ZNRF3: variants seen among roughly 807,000 people sequenced by gnomAD.
ZNRF3 encodes zinc and ring finger 3, also known as E3 ubiquitin-protein ligase ZNRF3.
ZNRF3 carries 23 observed loss-of-function variants against 72.5 expected under a neutral mutation model. The ratio of observed to expected loss-of-function variants is 0.32; its 90% CI spans 0.23 to 0.45. The LOEUF (loss-of-function observed/expected upper bound fraction) is 0.45, where lower values mean the gene tolerates loss of function less well. Ranked by LOEUF, ZNRF3 falls within the 20% of genes least tolerant of loss-of-function variation. ZNRF3 has a pLI of 1.00. For synonymous variants in ZNRF3, 610 were observed against 545.3 expected (o/e 1.12, Z -1.65); for missense variants, 1,169 against 1,272.1 (o/e 0.92, Z 1.23).
chr22:29,047,008 T>C (rs2037086052), intron 6 of ZNRF3, 125 bp downstream of exon 6: 1 of 958,372 alleles, frequency 1.0e-6, no homozygotes, highest in Non-Finnish European at 1.4e-6. Flanking sequence ...GTCACTCTTC[T>C]GAAAATTCTG....
rs56876101 is a variant in ZNRF3 at position 28,918,537 on chromosome 22, CGTGTGTGTGTGTGTGT to C, written c.300+34500_300+34515del. On this transcript the variant is annotated intron_variant, in intron 1 of 8. Coordinates refer to ENST00000544604, the MANE Select transcript of ZNRF3 (RefSeq NM_001206998.2). The stretch of plus-strand genomic sequence containing the variant: ...GTGTGTATGTGTATCTGCATGTGTG[CGTGTGTGTGTGTGTGT>C]GTGTGTGTGTGTGTGTGTGTGTGTG... Among the ~76,000 whole-genome samples the C allele has an allele frequency of 4.5e-3, 667 of 148,828 alleles. 4 individuals are homozygous for C. The highest frequency in any genetic ancestry group is 8.6e-3 in the African/African-American group (346 of 40,176).
intron 8 of ZNRF3, 51 bp from the exon 9 acceptor site, chr22:29,053,528 C>G: frequency 8.8e-6 from 14 of 1,597,044 alleles, no homozygotes; most frequent in Non-Finnish European, 1.2e-5. Context: ...TGCCTGGTCC[C>G]ATGTGTGGTG....
chr22:28,901,733 T>C (rs1364430143), intron 1 of ZNRF3, among the ~76,000 whole-genome samples: 1 of 146,370 alleles, frequency 6.8e-6, no homozygotes, highest in Non-Finnish European at 1.5e-5. Flanking sequence ...CTCTGCCTCC[T>C]GGGTTCAAGC....
Position 29,049,148 on chromosome 22 carries a change from C to G in ZNRF3, c.1016-49C>G. 2.0e-6 allele frequency: 3 copies of G among 1,517,614 alleles called. No individual in the cohort carries two copies. The highest frequency in any genetic ancestry group is 2.7e-6 in the Non-Finnish European group (3 of 1,127,520). The allele number at this position is 1,517,614 out of a possible 1,614,324, so 94.0% of individuals were successfully genotyped here. On this transcript the variant is annotated intron_variant, in intron 7 of 8. Coordinates refer to ENST00000544604, the MANE Select transcript of ZNRF3 (RefSeq NM_001206998.2). This position sits in a 1 kb window ranked among gnomAD's most constrained non-coding sequence, Gnocchi z 5.2. Reference sequence around the variant, plus strand: ...TTTTAAAAATCCCTTTAGCCTCTGACACCAGTATGCTCAGCCCTGCCTACT... The same window carrying G: ...TTTTAAAAATCCCTTTAGCCTCTGAGACCAGTATGCTCAGCCCTGCCTACT...
intron 1 of ZNRF3, 85 bp from the exon 2 acceptor site, chr22:28,986,991 G>A: frequency 6.7e-7 from 1 of 1,501,030 alleles, no homozygotes; most frequent in Non-Finnish European, 8.9e-7. Flanking sequence ...GTTACTTTTG[G>A]CTATAGCATC....
intron 1 of ZNRF3, among the ~76,000 whole-genome samples, chr22:28,926,957 A>C (rs1025299643): frequency 6.6e-5 from 10 of 151,736 alleles, no homozygotes; most frequent in African/African-American, 2.4e-4. Context: ...CCCTGTCTCT[A>C]CTAAAAATAC....
At chr22:29,007,279 T>G (rs766817294) in intron 2 of ZNRF3, among the ~76,000 whole-genome samples, 29 of 152,286 alleles carry the variant, frequency 1.9e-4, no homozygotes, top group Non-Finnish European at 2.2e-4. Context: ...TAAATTTAGG[T>G]AACTGGTTTC....
intron 1 of ZNRF3, among the ~76,000 whole-genome samples, chr22:28,949,248 G>A (rs2035110315): frequency 6.6e-6 from 1 of 151,710 alleles, no homozygotes; most frequent in Non-Finnish European, 1.5e-5. Flanking sequence ...AAAGTGCTGG[G>A]ATTACAGGTG....
chr22:29,018,955 G>A (rs888109140), intron 2 of ZNRF3, among the ~76,000 whole-genome samples: 8 of 150,568 alleles, frequency 5.3e-5, no homozygotes, highest in African/African-American at 1.7e-4. Context: ...TGATCTCTGT[G>A]GTCAGCTAGT....
chr22:28,966,782 C>T (rs1427049892), intron 1 of ZNRF3, among the ~76,000 whole-genome samples: 1 of 149,828 alleles, frequency 6.7e-6, no homozygotes, highest in Non-Finnish European at 1.5e-5. Context: ...TTACAGTAAG[C>T]TAAGGTTAAT....
At chr22:28,913,919 C>A (rs929831139) in intron 1 of ZNRF3, among the ~76,000 whole-genome samples, 1 of 152,116 alleles carries the variant, frequency 6.6e-6, no homozygotes, top group East Asian at 1.9e-4. Flanking sequence ...GAGGAGTCCC[C>A]CCGACCCCTG....
intron 1 of ZNRF3, among the ~76,000 whole-genome samples, chr22:28,971,077 A>C (rs762868600): frequency 2.0e-5 from 3 of 152,130 alleles, no homozygotes; most frequent in Non-Finnish European, 4.4e-5. Context: ...TAGTCCCCGC[A>C]AGTTGGGAGG....
At chr22:29,043,208 A>G in intron 3 of ZNRF3, 91 bp from the exon 4 acceptor site, 10 of 1,406,176 alleles carry the variant, frequency 7.1e-6, no homozygotes, top group Non-Finnish European at 9.6e-6. Context: ...CCAGACAGGT[A>G]TTCAGTGTTC....
intron 1 of ZNRF3, among the ~76,000 whole-genome samples, chr22:28,981,813 A>G (rs1009733342): frequency 6.6e-6 from 1 of 152,290 alleles, no homozygotes; most frequent in Admixed American, 6.5e-5. Flanking sequence ...CCTGGCCAAC[A>G]TGGTGAAACC....
chr22:28,988,537 G>A (rs926777338), intron 2 of ZNRF3, among the ~76,000 whole-genome samples: 1 of 152,076 alleles, frequency 6.6e-6, no homozygotes, highest in African/African-American at 2.4e-5. Flanking sequence ...AACCCCACAG[G>A]AATTATTAGC....
intron 1 of ZNRF3, among the ~76,000 whole-genome samples, chr22:28,978,867 T>C (rs1157070911): frequency 6.6e-6 from 1 of 152,158 alleles, no homozygotes; most frequent in East Asian, 1.9e-4. Flanking sequence ...TGCTTTTCAC[T>C]CCCCTCTTCT....
intron 2 of ZNRF3, among the ~76,000 whole-genome samples, chr22:28,989,087 T>A (rs1018764917): frequency 6.6e-6 from 1 of 152,178 alleles, no homozygotes; most frequent in Non-Finnish European, 1.5e-5. Flanking sequence ...GCTTCTTAAG[T>A]TTATTCACTC....
intron 1 of ZNRF3, among the ~76,000 whole-genome samples, chr22:28,885,722 G>A (rs7287918): frequency 0.39 from 59,713 of 151,980 alleles, 12,914 homozygotes; most frequent in East Asian, 0.61. Flanking sequence ...TTTGTCTGGT[G>A]AGCGAGCTAT....
In ZNRF3 at chr22:28,933,271, T is replaced by TTA. The variant is rs2034745847; in HGVS notation, c.300+49208_300+49209dup. Among the ~76,000 whole-genome samples the TTA allele has an allele frequency of 2.0e-5, 3 of 152,352 alleles. No homozygotes were observed. In the South Asian group the frequency reaches 6.2e-4, roughly 32 times the overall value. On this transcript the variant is annotated intron_variant, in intron 1 of 8. Transcript: ENST00000544604. ...TTTTAAACACTGGGGGGATTGTATA[T>TTA]TATAGTTGTTTAAAAATGAATCAAT...
Sources: gnomAD v4.1 joint callset for allele counts (sites outside exome capture counted in the v4.1 genomes callset) on GRCh38, gnomAD v4.1.1 for gene constraint, Gnocchi (gnomAD v3.1) non-coding constraint, MANE v1.5 for transcripts, NCBI Gene and HGNC (gene_info 2026-07-23, HGNC 2026-07-21) for gene names.